MYDGF: variants seen among roughly 807,000 people sequenced by gnomAD.
MYDGF encodes the protein myeloid derived growth factor, also known as myeloid-derived growth factor.
In MYDGF, 29 loss-of-function variants were observed where a neutral mutation model predicts 24.2. That is an observed-to-expected ratio of 1.20 (90% CI 0.89 to 1.63). MYDGF has a LOEUF of 1.63. Among genes scored for constraint, MYDGF ranks in the 40% most tolerant of loss-of-function variants. The pLI is 0.00. For synonymous variants in MYDGF, 105 were observed against 102.5 expected (o/e 1.02, Z -0.15); for missense variants, 245 against 234.8 (o/e 1.04, Z -0.29).
intron 2 of MYDGF, among the ~76,000 whole-genome samples, chr19:4,665,820 C>CCAAA (rs2088516566): frequency 2.2e-5 from 1 of 45,480 alleles, no homozygotes; most frequent in Non-Finnish European, 6.2e-5. Flanking sequence ...GACTCTGTCT[C>CCAAA]AAAAAAAAAA....
At chr19:4,666,135 T>C (rs759401694) in intron 2 of MYDGF, among the ~76,000 whole-genome samples, 1 of 151,888 alleles carries the variant, frequency 6.6e-6, no homozygotes, top group Non-Finnish European at 1.5e-5. Flanking sequence ...CTGGGCAACA[T>C]AGCGAGACCC....
rs1200981613 is a variant in MYDGF at position 4,670,182 on chromosome 19, G to A, written c.153C>T (p.Phe51=). 6.4e-7 allele frequency: 1 copy of A among 1,553,994 alleles called. No individual in the cohort carries two copies. Among genetic ancestry groups the A allele is most frequent in the Non-Finnish European group, 8.7e-7 (1 of 1,152,976 alleles). Residue 51 remains phenylalanine (F), a synonymous_variant, in exon 1 of 6, where the codon TTC becomes TTT. Transcript: ENST00000262947. ...GTACCCCCGGGCCCACGTTATGGGA[G>A]AAGGAATGCACGACGCCGCCGGGCC... ...DVRPGGVVHS[F]SHNVGPGDKY...
At chr19:4,663,417 C>G (rs1449707648) in intron 3 of MYDGF, among the ~76,000 whole-genome samples, 60 of 131,706 alleles carry the variant, frequency 4.6e-4, no homozygotes, top group African/African-American at 1.6e-3. Context: ...CAATCTGTGC[C>G]CTCTCCACCC....
rs555740435 is a variant in MYDGF, at chr19:4,665,802, C to T, written c.226-865G>A. Among the ~76,000 whole-genome samples the T allele has an allele frequency of 1.1e-4, 13 of 115,196 alleles. No homozygotes were observed. The South Asian group carries it at 1.2e-3, about 10-fold the overall frequency. 75.6% of individuals were successfully genotyped at this position (115,196 alleles called of 152,430 possible). ...CGCCACTGCACTCCAGCCTGGGCGACAGAGCGAGACTCTGTCTCAAAAAAA... is the reference window on the plus strand; with the variant it reads ...CGCCACTGCACTCCAGCCTGGGCGATAGAGCGAGACTCTGTCTCAAAAAAA... On this transcript the variant is annotated intron_variant, in intron 2 of 5. Coordinates refer to ENST00000262947, the MANE Select transcript of MYDGF (RefSeq NM_019107.4).
chr19:4,670,188 A>G lies in MYDGF; in HGVS notation c.147T>C (p.His49=). The change falls in exon 1 of 6, where the codon CAT becomes CAC. Residue 49 remains histidine (H), a synonymous_variant. Transcript: ENST00000262947. ...AFDVRPGGVV[H]SFSHNVGPGD... ...CCGGGCCCACGTTATGGGAGAAGGAATGCACGACGCCGCCGGGCCGCACGT... is the reference window on the plus strand; with the variant it reads ...CCGGGCCCACGTTATGGGAGAAGGAGTGCACGACGCCGCCGGGCCGCACGT... The G allele has an allele frequency of 6.4e-7, 1 of 1,555,346 alleles. No individual in the cohort carries two copies.
intron 3 of MYDGF, among the ~76,000 whole-genome samples, 169 bp from the exon 4 acceptor site, chr19:4,660,919 G>A (rs3815323): frequency 0.24 from 36,110 of 151,196 alleles, 7,584 homozygotes; most frequent in African/African-American, 0.57. Flanking sequence ...TGGGAAGGAT[G>A]GATGGGGCCC....
intron 2 of MYDGF, among the ~76,000 whole-genome samples, chr19:4,666,995 T>G (rs1466123172): frequency 6.6e-6 from 1 of 152,164 alleles, no homozygotes; most frequent in African/African-American, 2.4e-5. Context: ...GTTGCGGGAC[T>G]GAAGTCTTCA....
At chr19:4,660,407 C>A (rs60390215) in intron 4 of MYDGF, among the ~76,000 whole-genome samples, 1 of 152,118 alleles carries the variant, frequency 6.6e-6, no homozygotes. Flanking sequence ...GGATTACTGG[C>A]GTGAACCGCC....
chr19:4,658,068 C>A lies in MYDGF; in HGVS notation c.459G>T (p.Gly153=). Reference sequence around the variant, plus strand: ...GCTTGGACAGCTCAGCTTTGAATGCCCCGGGCCTGTGAGCCACTGCAAGAA... The same window carrying A: ...GCTTGGACAGCTCAGCTTTGAATGCACCGGGCCTGTGAGCCACTGCAAGAA... ...VTKTAVAHRP[G]AFKAELSKLV... Residue 153 remains glycine (G), a synonymous_variant, in exon 6 of 6, where the codon GGG becomes GGT. Coordinates refer to ENST00000262947, the MANE Select transcript of MYDGF (RefSeq NM_019107.4). 1.2e-6 allele frequency: 2 copies of A among 1,611,232 alleles called. No individual in the cohort carries two copies. The highest frequency in any genetic ancestry group is 1.7e-6 in the Non-Finnish European group (2 of 1,179,138).
rs748851699 is a variant in MYDGF, at chr19:4,670,195, A to ACGC, written c.137_139dup (p.Gly46dup). On this transcript the variant is annotated inframe_insertion, in exon 1 of 6. Transcript: ENST00000262947. ...CACGTTATGGGAGAAGGAATGCACG[A>ACGC]CGCCGCCGGGCCGCACGTCAAACGC... is the stretch of plus-strand genomic sequence containing the variant. The ACGC allele has an allele frequency of 2.6e-6, 4 of 1,555,926 alleles. No individual in the cohort carries two copies. Among genetic ancestry groups the ACGC allele is most frequent in the Non-Finnish European group, 3.5e-6 (4 of 1,154,186 alleles).
rs2088434446 is a variant in MYDGF, at chr19:4,657,837, C to A, written c.*168G>T. 2 of 590,242 alleles carry A rather than the reference C, an allele frequency of 3.4e-6. No homozygotes were observed. The highest frequency in any genetic ancestry group is 4.5e-5 in the South Asian group (2 of 44,746). 36.6% of individuals were successfully genotyped at this position (590,242 alleles called of 1,614,324 possible). Reference sequence around the variant, plus strand: ...GCCCTGGACCCTCTGTTCTCTGCCCCAGGGCTTCAGCCACCCTGCAAGCCC... The same window carrying A: ...GCCCTGGACCCTCTGTTCTCTGCCCAAGGGCTTCAGCCACCCTGCAAGCCC... On this transcript the variant is annotated 3_prime_UTR_variant, in exon 6 of 6. Coordinates refer to ENST00000262947, the MANE Select transcript of MYDGF (RefSeq NM_019107.4).
rs763348167 is a variant in MYDGF, at chr19:4,660,700, C to T, written c.338G>A (p.Arg113Gln). ...LYFTQFKAEV[R>Q]GAEIEYAMAY... The stretch of plus-strand genomic sequence containing the variant: ...CATGGCGTACTCAATCTCAGCGCCC[C>T]GCACCTCTGCCTTGAACTGTGTGAA... The change falls in exon 4 of 6, where the codon CGG becomes CAG. Residue 113 changes from arginine (R) to glutamine (Q), a missense_variant. Coordinates refer to ENST00000262947, the MANE Select transcript of MYDGF (RefSeq NM_019107.4). 1.4e-5 allele frequency: 22 copies of T among 1,613,962 alleles called. No individual in the cohort carries two copies. The highest frequency in any genetic ancestry group is 2.2e-5 in the East Asian group (1 of 44,882).
chr19:4,664,688 C>T (rs2088506716), intron 3 of MYDGF, among the ~76,000 whole-genome samples, 188 bp downstream of exon 3: 1 of 152,118 alleles, frequency 6.6e-6, no homozygotes, highest in South Asian at 2.1e-4. Flanking sequence ...TGCATCAGTG[C>T]ACTTCCTTGG....
At chr19:4,667,697 T>A (rs962457427) in intron 2 of MYDGF, among the ~76,000 whole-genome samples, 2 of 149,250 alleles carry the variant, frequency 1.3e-5, no homozygotes, top group Non-Finnish European at 2.9e-5. Context: ...GAGAGGATTC[T>A]TCTCCCAGCC....
In MYDGF at chr19:4,662,917, C is replaced by T. The variant is rs559727941; in HGVS notation, c.287+1959G>A. Among the ~76,000 whole-genome samples the T allele has an allele frequency of 2.0e-5, 3 of 151,970 alleles. No individual in the cohort carries two copies. In the South Asian group the frequency reaches 6.2e-4, roughly 31 times the overall value. On this transcript the variant is annotated intron_variant, in intron 3 of 5. Coordinates refer to ENST00000262947, the MANE Select transcript of MYDGF (RefSeq NM_019107.4). ...CCAGTTCCACCAGGACTCTGCCCAGCACCTTCCTCCTCCTCCTACCCCAGC... is the reference window on the plus strand; with the variant it reads ...CCAGTTCCACCAGGACTCTGCCCAGTACCTTCCTCCTCCTCCTACCCCAGC...
At position 4,657,682 on chromosome 19, in the gene MYDGF, G is replaced by A. The variant is rs2088433362; in HGVS notation, c.*323C>T. The A allele has an allele frequency of 1.3e-5, 3 of 235,072 alleles. No individual in the cohort carries two copies. Among genetic ancestry groups the A allele is most frequent in the Non-Finnish European group, 2.5e-5 (3 of 121,530 alleles). The allele number at this position is 235,072 out of a possible 1,614,324, so 14.6% of individuals were successfully genotyped here. On this transcript the variant is annotated 3_prime_UTR_variant, in exon 6 of 6. Coordinates refer to ENST00000262947, the MANE Select transcript of MYDGF (RefSeq NM_019107.4). ...TGAAGGATGCTCGGCTGGAGGTCGGGGGGAGCATGGCTGCTTTCCCCAGCA... is the reference window on the plus strand; with the variant it reads ...TGAAGGATGCTCGGCTGGAGGTCGGAGGGAGCATGGCTGCTTTCCCCAGCA...
intron 3 of MYDGF, among the ~76,000 whole-genome samples, chr19:4,664,105 C>A (rs1175386129): frequency 5.3e-5 from 8 of 152,006 alleles, no homozygotes. Flanking sequence ...GACCCCATTT[C>A]TATGCAATGT....
chr19:4,663,519 A>G (rs1257238798), intron 3 of MYDGF, among the ~76,000 whole-genome samples: 1 of 29,138 alleles, frequency 3.4e-5, no homozygotes, highest in Non-Finnish European at 6.1e-5. Context: ...CACCCACCCC[A>G]TCCTCATTCT....
intron 2 of MYDGF, among the ~76,000 whole-genome samples, chr19:4,667,824 A>G (rs1217346637): frequency 6.6e-6 from 1 of 152,020 alleles, no homozygotes; most frequent in African/African-American, 2.4e-5. Flanking sequence ...CAGTCTCCCA[A>G]GTAGCTGGAA....
Sources: allele counts gnomAD v4.1 joint callset (sites outside exome capture counted in the v4.1 genomes callset), GRCh38; gene constraint gnomAD v4.1.1; transcripts MANE v1.5; gene names NCBI Gene and HGNC (gene_info 2026-07-23, HGNC 2026-07-21).